The following TEX2 variants were observed in gnomAD, a reference collection of about 807,000 sequenced individuals.
The protein encoded by TEX2 is testis-expressed protein 2.
In TEX2, 53 loss-of-function variants were observed where a neutral mutation model predicts 106.9. The observed-to-expected ratio is 0.50, with a 90% confidence interval of 0.40 to 0.62. The LOEUF is 0.62. TEX2 is among the 20% of genes least tolerant of loss of function. The pLI, the probability that TEX2 is intolerant of heterozygous loss-of-function variation, is 0.00. For synonymous variants in TEX2, 523 were observed against 534.8 expected (o/e 0.98, Z 0.30); for missense variants, 1,207 against 1,379.0 (o/e 0.88, Z 1.98).
intron 9 of TEX2, among the ~76,000 whole-genome samples, chr17:64,154,480 A>G (rs1200275449): frequency 6.6e-6 from 1 of 152,146 alleles, no homozygotes; most frequent in East Asian, 1.9e-4. Context: ...AGCTCAACAG[A>G]AGCAAATGCA....
intron 5 of TEX2, among the ~76,000 whole-genome samples, chr17:64,181,050 T>A (rs530373674): frequency 6.6e-6 from 1 of 152,308 alleles, no homozygotes; most frequent in East Asian, 1.9e-4. Context: ...ACAATGCATA[T>A]TCACTGCAGA....
At chr17:64,219,544 A>C (rs576761709) in intron 1 of TEX2, among the ~76,000 whole-genome samples, 1 of 148,938 alleles carries the variant, frequency 6.7e-6, no homozygotes, top group African/African-American at 2.6e-5. Flanking sequence ...AAATAAAATA[A>C]AATAAAATAT....
At chr17:64,168,674 G>A (rs914223319) in intron 7 of TEX2, among the ~76,000 whole-genome samples, 6 of 152,176 alleles carry the variant, frequency 3.9e-5, no homozygotes, top group Non-Finnish European at 7.3e-5. Flanking sequence ...TGAGATAAGA[G>A]GCTGCTTACA....
rs555640592 is a variant in TEX2, at chr17:64,213,514, T to C, written c.704A>G (p.Tyr235Cys). 2.5e-6 allele frequency: 4 copies of C among 1,614,156 alleles called. No individual in the cohort carries two copies. The highest frequency in any genetic ancestry group is 1.6e-4 in the Middle Eastern group (1 of 6,062). Residue 235 changes from tyrosine (Y) to cysteine (C), a missense_variant, in exon 2 of 12, where the codon TAT (tyrosine) becomes TGT (cysteine). Physicochemically the swap from Tyr to Cys is radical, Grantham distance 194. Around this residue, in one of 3 missense-constraint regions of TEX2, gnomAD observed 1,067 missense variants for 1,193.6 expected, o/e 0.89. Coordinates refer to ENST00000584379, the MANE Select transcript of TEX2 (RefSeq NM_001288732.2). This position sits in a 1 kb window ranked among gnomAD's most constrained non-coding sequence, Gnocchi z 4.4. ...TSRQESDTVS[Y>C]KPPDSKLNLH... ...GTTCAGTTTGGAATCAGGTGGCTTA[T>C]AGGACACTGTATCCGACTCCTGCCG...
chr17:64,243,182 C>T (rs1016002729), intron 1 of TEX2, among the ~76,000 whole-genome samples: 2 of 152,070 alleles, frequency 1.3e-5, no homozygotes, highest in South Asian at 2.1e-4. Flanking sequence ...CTGCCTCGGC[C>T]TCTCAAAGTG....
At chr17:64,257,697 G>A (rs945186354) in intron 1 of TEX2, among the ~76,000 whole-genome samples, 3 of 152,104 alleles carry the variant, frequency 2.0e-5, no homozygotes, top group African/African-American at 7.2e-5. Context: ...TTCAAGTAAC[G>A]CTTATTTTAC....
At chr17:64,253,990 C>A (rs1443250256) in intron 1 of TEX2, among the ~76,000 whole-genome samples, 4 of 152,144 alleles carry the variant, frequency 2.6e-5, no homozygotes, top group Non-Finnish European at 4.4e-5. Flanking sequence ...CTGGGTGTTG[C>A]CTAGAGGCAG....
intron 1 of TEX2, among the ~76,000 whole-genome samples, chr17:64,245,053 G>T (rs1319418075): frequency 1.3e-5 from 2 of 152,106 alleles, no homozygotes; most frequent in African/African-American, 4.8e-5. Context: ...GCTGAAAAAT[G>T]ACTGCTTTCT....
intron 2 of TEX2, among the ~76,000 whole-genome samples, chr17:64,201,644 A>G (rs1358205007): frequency 1.3e-5 from 2 of 152,060 alleles, no homozygotes; most frequent in Non-Finnish European, 2.9e-5. Context: ...GCTCCATGGC[A>G]CGGCCCCACC....
chr17:64,243,980 T>C (rs1266456159), intron 1 of TEX2, among the ~76,000 whole-genome samples: 1 of 152,036 alleles, frequency 6.6e-6, no homozygotes, highest in African/African-American at 2.4e-5. Flanking sequence ...AGCTAACTTT[T>C]GTATTTTCAG....
rs782510333 is a variant in TEX2 at position 64,213,588 on chromosome 17, G to A, written c.630C>T (p.His210=). Residue 210 remains histidine (H), a synonymous_variant, in exon 2 of 12, where the codon CAC becomes CAT. Transcript: ENST00000584379. This position sits in a 1 kb window ranked among gnomAD's most constrained non-coding sequence, Gnocchi z 4.4. ...EPKESPHPAR[H]RHLMKTLVKS... ...TGACTAATGTCTTCATCAAGTGCCT[G>A]TGCCTTGCGGGGTGTGGGGATTCTT... The A allele has an allele frequency of 1.9e-6, 3 of 1,614,162 alleles. No individual in the cohort carries two copies. The highest frequency in any genetic ancestry group is 2.2e-5 in the East Asian group (1 of 44,882).
At chr17:64,179,686 C>G (rs1231082382) in intron 5 of TEX2, among the ~76,000 whole-genome samples, 1 of 152,058 alleles carries the variant, frequency 6.6e-6, no homozygotes, top group Admixed American at 6.5e-5. Flanking sequence ...AATCACATGT[C>G]ACTGCATGAC....
At chr17:64,149,776 G>A (rs1038950503) in intron 11 of TEX2, 1 of 152,210 alleles carries the variant, frequency 6.6e-6, no homozygotes, top group African/African-American at 2.4e-5. Flanking sequence ...AAATTAGCTG[G>A]GTGTGGTGGC....
At chr17:64,237,798 T>C (rs2033803066) in intron 1 of TEX2, among the ~76,000 whole-genome samples, 1 of 152,178 alleles carries the variant, frequency 6.6e-6, no homozygotes, top group Non-Finnish European at 1.5e-5. Flanking sequence ...TCTGAGATAC[T>C]TGGTGACCTC....
At chr17:64,257,546 C>T (rs2034206492) in intron 1 of TEX2, among the ~76,000 whole-genome samples, 2 of 152,304 alleles carry the variant, frequency 1.3e-5, no homozygotes, top group South Asian at 4.1e-4. Context: ...CATGAAATTT[C>T]TCACTGTCCA....
chr17:64,183,326 A>G (rs549689896), intron 5 of TEX2, among the ~76,000 whole-genome samples: 1 of 152,352 alleles, frequency 6.6e-6, no homozygotes, highest in Non-Finnish European at 1.5e-5. Context: ...GCTGGCTCAT[A>G]TGGTGACTCT....
At chr17:64,220,837 A>C (rs1555633208) in intron 1 of TEX2, among the ~76,000 whole-genome samples, 1 of 152,192 alleles carries the variant, frequency 6.6e-6, no homozygotes, top group East Asian at 1.9e-4. Flanking sequence ...TTGACCCAGC[A>C]ATGCCATTAC....
At chr17:64,208,848 A>G (rs1243388211) in intron 2 of TEX2, among the ~76,000 whole-genome samples, 1 of 152,110 alleles carries the variant, frequency 6.6e-6, no homozygotes, top group Non-Finnish European at 1.5e-5. Flanking sequence ...GCTGGTCTCA[A>G]ACTCCTGGCT....
rs1180369052 is a variant in TEX2, at chr17:64,217,303, G to A, written c.-25-3061C>T. On this transcript the variant is annotated intron_variant, in intron 1 of 11. Transcript: ENST00000584379. The surrounding 1 kb of genome is among the most constrained non-coding windows in gnomAD (Gnocchi z 4.3). Reference sequence around the variant, plus strand: ...GTGGCTGGCTGCTAAGGCCAACTGAGCCGACCCTCCCACAGCCACAGCCAT... The same window carrying A: ...GTGGCTGGCTGCTAAGGCCAACTGAACCGACCCTCCCACAGCCACAGCCAT... 1.3e-5 allele frequency among the ~76,000 whole-genome samples: 2 copies of A among 152,126 alleles called. No homozygotes were observed. The highest frequency in any genetic ancestry group is 4.8e-5 in the African/African-American group (2 of 41,426).
Sources: gnomAD v4.1 joint callset for allele counts (sites outside exome capture counted in the v4.1 genomes callset) on GRCh38, gnomAD v4.1.1 for gene constraint, gnomAD v4.1.1 regional missense constraint, Gnocchi (gnomAD v3.1) non-coding constraint, MANE v1.5 for transcripts, NCBI Gene and HGNC (gene_info 2026-07-23, HGNC 2026-07-21) for gene names.